The following FASTKD1 variants were observed in gnomAD, a reference collection of about 807,000 sequenced individuals.
The protein encoded by FASTKD1 is FAST kinase domain-containing protein 1, mitochondrial.
In FASTKD1, 94 loss-of-function variants were observed where a neutral mutation model predicts 90.9. The ratio of observed to expected loss-of-function variants is 1.03; its 90% CI spans 0.88 to 1.23. The LOEUF (loss-of-function observed/expected upper bound fraction) is 1.23, where lower values mean the gene tolerates loss of function less well. Among genes scored for constraint, FASTKD1 ranks in the 50% most tolerant of loss-of-function variants. The pLI, the probability that FASTKD1 is intolerant of heterozygous loss-of-function variation, is 0.00. For missense variants in FASTKD1, 945 were observed against 993.5 expected, an observed-to-expected ratio of 0.95 and a Z score of 0.66; for synonymous variants, 319 against 345.8, an observed-to-expected ratio of 0.92 and a Z score of 0.86.
At position 169,546,605 on chromosome 2, in the gene FASTKD1, T is replaced by A; in HGVS notation, c.1314A>T (p.Arg438=). 1 of 1,614,114 alleles carries A rather than the reference T, an allele frequency of 6.2e-7. No individual in the cohort carries two copies. The highest frequency in any genetic ancestry group is 8.5e-7 in the Non-Finnish European group (1 of 1,180,030). ...CACACTGTGGTAAAACGGCTTCAAT[T>A]CGGGATATCCCCACTTCGTCCAAGT... ...SPHLDEVGIS[R]IEAVLPQCDL... The change falls in exon 8 of 15, where the codon CGA becomes CGT. Residue 438 remains arginine (R), a synonymous_variant. Transcript: ENST00000453153.
intron 7 of FASTKD1, among the ~76,000 whole-genome samples, chr2:169,550,710 C>T (rs1277071393): frequency 6.6e-6 from 1 of 152,162 alleles, no homozygotes; most frequent in African/African-American, 2.4e-5. Context: ...AATTCCTGGC[C>T]TCAAATGATC....
intron 7 of FASTKD1, among the ~76,000 whole-genome samples, chr2:169,552,840 T>A (rs1462650315): frequency 1.3e-5 from 2 of 152,020 alleles, no homozygotes; most frequent in Non-Finnish European, 2.9e-5. Context: ...ATCTCAGAAT[T>A]CACCACTATA....
intron 7 of FASTKD1, among the ~76,000 whole-genome samples, chr2:169,547,009 C>G (rs950076187): frequency 6.6e-6 from 1 of 152,132 alleles, no homozygotes; most frequent in African/African-American, 2.4e-5. Flanking sequence ...CTAAGACTAA[C>G]CTCTCCCACA....
At chr2:169,560,091 A>C (rs1233412485) in intron 5 of FASTKD1, among the ~76,000 whole-genome samples, 1 of 152,186 alleles carries the variant, frequency 6.6e-6, no homozygotes, top group Non-Finnish European at 1.5e-5. Flanking sequence ...TATATGTGTA[A>C]ATCCAGTCAT....
intron 1 of FASTKD1, chr2:169,573,034 A>C (rs1046482943): frequency 3.9e-5 from 6 of 152,326 alleles, no homozygotes; most frequent in African/African-American, 1.4e-4. Flanking sequence ...CAGATAAGGC[A>C]AAATAGGTTC....
At position 169,554,497 on chromosome 2, in the gene FASTKD1, CT is replaced by C. The variant is rs199626343; in HGVS notation, c.1214+626del. 5.0e-3 allele frequency among the ~76,000 whole-genome samples: 728 copies of C among 145,422 alleles called. 54 individuals are homozygous for C. Among genetic ancestry groups the C allele is most frequent in the Non-Finnish European group, 7.2e-3 (466 of 64,796 alleles). ...TGACCAATACAGTGAAATCCCATCTCTACTAAAATTACAAAAATTAACAGGG... is the reference window on the plus strand; with the variant it reads ...TGACCAATACAGTGAAATCCCATCTCACTAAAATTACAAAAATTAACAGGG... On this transcript the variant is annotated intron_variant, in intron 7 of 14. Coordinates refer to ENST00000453153, the MANE Select transcript of FASTKD1 (RefSeq NM_024622.6).
intron 9 of FASTKD1, 111 bp from the exon 10 acceptor site, chr2:169,540,290 A>C (rs1463865692): frequency 9.4e-7 from 1 of 1,064,782 alleles, no homozygotes; most frequent in Non-Finnish European, 1.3e-6. Context: ...CAGCCTTGAC[A>C]AAACTAATCT....
At chr2:169,549,403 C>CA (rs1354122018) in intron 7 of FASTKD1, among the ~76,000 whole-genome samples, 8 of 149,396 alleles carry the variant, frequency 5.4e-5, no homozygotes, top group South Asian at 4.2e-4. Context: ...AACTCCATCT[C>CA]AAAAAAAAAT....
chr2:169,571,942 G>C lies in FASTKD1; in HGVS notation c.88C>G (p.Gln30Glu), dbSNP rs1053416949. 4 of 1,613,924 alleles carry C rather than the reference G, an allele frequency of 2.5e-6. No homozygotes were observed. The highest frequency in any genetic ancestry group is 3.4e-6 in the Non-Finnish European group (4 of 1,179,994). The change falls in exon 2 of 15, where the codon CAA becomes GAA. Residue 30 changes from glutamine (Q) to glutamate (E), a missense_variant. Coordinates refer to ENST00000453153, the MANE Select transcript of FASTKD1 (RefSeq NM_024622.6). ...GGTTCACAACTGATGGGTCGAAATT[G>C]AAACACTCTCCAGGAGAATGGACAA... is the stretch of plus-strand genomic sequence containing the variant. ...AICPFSWRVF[Q>E]FRPISCEPLI... is the part of the protein sequence containing the mutation.
rs187871454 is a variant in FASTKD1, at chr2:169,540,266, A to T, written c.1817-87T>A. 242 of 1,243,956 alleles carry T rather than the reference A, an allele frequency of 1.9e-4. 3 individuals are homozygous for T. In the African/African-American group the frequency reaches 2.4e-3, roughly 12 times the overall value. 77.1% of individuals were successfully genotyped at this position (1,243,956 alleles called of 1,614,324 possible). A position where few individuals can be genotyped will look rare whatever the true frequency, so the allele number is the denominator to read the frequency against. On this transcript the variant is annotated intron_variant, in intron 9 of 14. Coordinates refer to ENST00000453153, the MANE Select transcript of FASTKD1 (RefSeq NM_024622.6). ...TTTATTCAGGCAAACCCAGGTTTTT[A>T]AAAAAAAGATACACAGCCTTGACAA...
chr2:169,570,546 T>C (rs1684185905), intron 2 of FASTKD1, among the ~76,000 whole-genome samples: 2 of 152,306 alleles, frequency 1.3e-5, no homozygotes, highest in African/African-American at 4.8e-5. Flanking sequence ...AGGGCTATTA[T>C]TGAGAAACAA....
chr2:169,563,945 G>A (rs993782207), intron 3 of FASTKD1, among the ~76,000 whole-genome samples: 1 of 152,080 alleles, frequency 6.6e-6, no homozygotes, highest in African/African-American at 2.4e-5. Flanking sequence ...AACTATAAGG[G>A]TACATACTAT....
At chr2:169,531,240 A>T (rs775987349) in intron 13 of FASTKD1, 112 bp downstream of exon 13, 2 of 1,091,244 alleles carry the variant, frequency 1.8e-6, no homozygotes, top group East Asian at 4.8e-5. Flanking sequence ...GGAATGCATG[A>T]CATATGAGGA....
Position 169,562,042 on chromosome 2 carries a change from G to T in FASTKD1, c.572+1183C>A, listed in dbSNP as rs796769185. ...TAAATTAATTATTTATTAATTTATT[G>T]TAAATTAATTATTTATTAATTTATT... On this transcript the variant is annotated intron_variant, in intron 4 of 14. Transcript: ENST00000453153. Among the ~76,000 whole-genome samples the T allele has an allele frequency of 1.8e-4, 17 of 95,942 alleles. 3 individuals carry two copies. The East Asian group carries it at 2.0e-3, about 11-fold the overall frequency. 62.9% of individuals were successfully genotyped at this position (95,942 alleles called of 152,430 possible).
intron 13 of FASTKD1, 147 bp downstream of exon 13, chr2:169,531,205 A>G (rs1684469156): frequency 2.4e-6 from 2 of 847,040 alleles, no homozygotes; most frequent in East Asian, 2.4e-5. Flanking sequence ...AGCAGAAAGG[A>G]GAGGAAAAGC....
At chr2:169,544,196 A>C (rs1474230989) in intron 9 of FASTKD1, among the ~76,000 whole-genome samples, 1 of 152,150 alleles carries the variant, frequency 6.6e-6, no homozygotes, top group Non-Finnish European at 1.5e-5. Flanking sequence ...ACATTATTGA[A>C]TCTACACGGT....
chr2:169,557,170 A>T lies in FASTKD1; in HGVS notation c.1082+17T>A. 4 of 1,511,086 alleles carry T rather than the reference A, an allele frequency of 2.6e-6. No individual in the cohort carries two copies. The highest frequency in any genetic ancestry group is 3.7e-6 in the Non-Finnish European group (4 of 1,088,056). The allele number at this position is 1,511,086 out of a possible 1,614,324, so 93.6% of individuals were successfully genotyped here. ...GAATGACAACAAACTTAACGTCGTA[A>T]ATTTCAGAAAAGATACCTTTTAATC... On this transcript the variant is annotated intron_variant, in intron 6 of 14. Coordinates refer to ENST00000453153, the MANE Select transcript of FASTKD1 (RefSeq NM_024622.6).
chr2:169,570,455 T>C (rs1684183287), intron 2 of FASTKD1, among the ~76,000 whole-genome samples: 1 of 152,292 alleles, frequency 6.6e-6, no homozygotes, highest in South Asian at 2.1e-4. Flanking sequence ...GTAATACCTA[T>C]CAACCATCCA....
Position 169,555,247 on chromosome 2 carries a change from G to A in FASTKD1, c.1091C>T (p.Ser364Leu). The change falls in exon 7 of 15, where the codon TCA (serine) becomes TTA (leucine). Residue 364 changes from serine to leucine, a missense_variant. Transcript: ENST00000453153. ...GCCATCCAAATGTTTATGCAGAACT[G>A]AAGTAACTCTAAAAAGGATAGAGCA... ...RNSCLIKRVTSVLHKHLDGYK... is the reference protein window; with the variant it reads ...RNSCLIKRVTLVLHKHLDGYK... 1 of 1,606,780 alleles carries A rather than the reference G, an allele frequency of 6.2e-7. No homozygotes were observed. Among genetic ancestry groups the A allele is most frequent in the Non-Finnish European group, 8.5e-7 (1 of 1,176,554 alleles).
Sources: allele counts gnomAD v4.1 joint callset (sites outside exome capture counted in the v4.1 genomes callset), GRCh38; gene constraint gnomAD v4.1.1; transcripts MANE v1.5; gene names NCBI Gene and HGNC (gene_info 2026-07-23, HGNC 2026-07-21).